Variants in NXPH1 observed in about 807,000 individuals in gnomAD.
NXPH1 encodes the protein neurexophilin 1.
Under a neutral mutation model 23.7 loss-of-function variants are expected in NXPH1, and 5 were observed. That is an observed-to-expected ratio of 0.21 (90% confidence interval 0.11 to 0.44). The LOEUF is 0.44. NXPH1 is among the 20% of genes least tolerant of loss of function. The pLI is 0.99. For missense variants in NXPH1, 324 were observed against 321.6 expected (o/e 1.01, Z -0.06); for synonymous variants, 144 against 122.2 (o/e 1.18, Z -1.18).
At position 8,690,280 on chromosome 7, in the gene NXPH1, A is replaced by G. The variant is rs1017563032; in HGVS notation, c.55-60728A>G. 4 of 152,230 alleles carry G rather than the reference A, an allele frequency of 2.6e-5. No homozygotes were observed. The East Asian group carries it at 5.8e-4, about 22-fold the overall frequency. The allele number at this position is 152,230 out of a possible 1,614,324, so 9.4% of individuals were successfully genotyped here. The stretch of plus-strand genomic sequence containing the variant: ...CTTAGAAACCTCTTTTGAGCACTGA[A>G]GACAGTGGAAGCAGCAGAAAGTCTA... On this transcript the variant is annotated intron_variant, in intron 2 of 2. Transcript: ENST00000405863.
At chr7:8,727,911 C>T (rs1583248938) in intron 2 of NXPH1, among the ~76,000 whole-genome samples, 1 of 151,640 alleles carries the variant, frequency 6.6e-6, no homozygotes, top group South Asian at 2.1e-4. Context: ...GGCATTGAAT[C>T]TGTAAATTAC....
chr7:8,533,068 A>G (rs370783660), intron 2 of NXPH1, among the ~76,000 whole-genome samples: 7 of 152,088 alleles, frequency 4.6e-5, no homozygotes, highest in African/African-American at 1.4e-4. Context: ...TATTATACTT[A>G]TTTTATAGTT....
At chr7:8,456,904 C>T (rs1028232621) in intron 2 of NXPH1, among the ~76,000 whole-genome samples, 1 of 152,096 alleles carries the variant, frequency 6.6e-6, no homozygotes, top group African/African-American at 2.4e-5. Context: ...TCCATTTATA[C>T]CACTGTCCCC....
Position 8,744,652 on chromosome 7 carries a change from A to C in NXPH1, c.55-6356A>C, listed in dbSNP as rs1055639775. On this transcript the variant is annotated intron_variant, in intron 2 of 2. Transcript: ENST00000405863. ...TGTTCCCAGTTTCCTAGTGGATGGCATCACCAGAATGACTTCCCACAGGCG... is the reference window on the plus strand; with the variant it reads ...TGTTCCCAGTTTCCTAGTGGATGGCCTCACCAGAATGACTTCCCACAGGCG... Among the ~76,000 whole-genome samples, 7 of 152,208 alleles carry C rather than the reference A, an allele frequency of 4.6e-5. No individual in the cohort carries two copies. In the East Asian group the frequency reaches 1.3e-3, roughly 29 times the overall value.
intron 2 of NXPH1, among the ~76,000 whole-genome samples, chr7:8,591,288 GAA>G (rs1217526573): frequency 6.6e-6 from 1 of 152,022 alleles, no homozygotes; most frequent in East Asian, 1.9e-4. Context: ...GGCTTATAGA[GAA>G]AGAGCAATTT....
intron 2 of NXPH1, among the ~76,000 whole-genome samples, chr7:8,664,612 T>G (rs992015800): frequency 9.9e-5 from 15 of 152,124 alleles, no homozygotes; most frequent in Non-Finnish European, 2.2e-4. Context: ...CTAGACTGTT[T>G]TCCATAATGC....
intron 2 of NXPH1, among the ~76,000 whole-genome samples, chr7:8,451,001 T>A (rs1295949514): frequency 6.6e-6 from 1 of 152,186 alleles, no homozygotes; most frequent in East Asian, 1.9e-4. Flanking sequence ...CTTTGAACTT[T>A]AAAAAATGCC....
intron 2 of NXPH1, among the ~76,000 whole-genome samples, chr7:8,582,755 T>C (rs1818905573): frequency 6.6e-6 from 1 of 152,192 alleles, no homozygotes; most frequent in Non-Finnish European, 1.5e-5. Flanking sequence ...ATTCTCACTC[T>C]GGGTGCTAAC....
chr7:8,616,338 C>G (rs1028159750), intron 2 of NXPH1, among the ~76,000 whole-genome samples: 3 of 152,170 alleles, frequency 2.0e-5, no homozygotes, highest in East Asian at 3.9e-4. Context: ...CCTGATGACC[C>G]TATAGAAAAT....
intron 2 of NXPH1, among the ~76,000 whole-genome samples, chr7:8,453,185 A>G (rs538999200): frequency 1.3e-5 from 2 of 152,112 alleles, no homozygotes; most frequent in Middle Eastern, 3.2e-3. Flanking sequence ...AGGAAGAAAG[A>G]AATACTTGTA....
chr7:8,526,241 C>G (rs995659330), intron 2 of NXPH1, among the ~76,000 whole-genome samples: 5 of 152,218 alleles, frequency 3.3e-5, no homozygotes, highest in Non-Finnish European at 5.9e-5. Flanking sequence ...TGCATGGGCC[C>G]TGTAATCCCT....
At chr7:8,673,001 A>G (rs1293262728) in intron 2 of NXPH1, among the ~76,000 whole-genome samples, 1 of 152,172 alleles carries the variant, frequency 6.6e-6, no homozygotes, top group East Asian at 1.9e-4. Flanking sequence ...GTCAAGTTAC[A>G]TATCTCCATC....
At chr7:8,593,347 T>A (rs1336398674) in intron 2 of NXPH1, among the ~76,000 whole-genome samples, 1 of 151,894 alleles carries the variant, frequency 6.6e-6, no homozygotes, top group Non-Finnish European at 1.5e-5. Flanking sequence ...ATTTAGCTTT[T>A]TAAAGCAGGG....
chr7:8,443,865 C>G (rs1219649706), intron 2 of NXPH1, among the ~76,000 whole-genome samples: 1 of 152,076 alleles, frequency 6.6e-6, no homozygotes, highest in East Asian at 1.9e-4. Context: ...AAACAAACAA[C>G]GACGAACAAC....
intron 2 of NXPH1, among the ~76,000 whole-genome samples, chr7:8,550,025 A>G (rs1004059566): frequency 6.6e-6 from 1 of 151,606 alleles, no homozygotes; most frequent in Non-Finnish European, 1.5e-5. Flanking sequence ...TTTGTTTCTC[A>G]GTTAGAAAGA....
intron 2 of NXPH1, among the ~76,000 whole-genome samples, chr7:8,606,306 TCTC>T (rs1819489631): frequency 6.6e-6 from 1 of 152,234 alleles, no homozygotes; most frequent in East Asian, 1.9e-4. Flanking sequence ...GGAAAACTCT[TCTC>T]CTTTTCCCCA....
rs568602688 is a variant in NXPH1 at position 8,633,714 on chromosome 7, A to T, written c.55-117294A>T. Among the ~76,000 whole-genome samples, 5 of 152,348 alleles carry T rather than the reference A, an allele frequency of 3.3e-5. No individual in the cohort carries two copies. The South Asian group carries it at 1.0e-3, about 32-fold the overall frequency. ...CCTGAAAAAAGAATTCGTAATTTTT[A>T]TACAGCCCATGGTTCATCAAGCTGA... On this transcript the variant is annotated intron_variant, in intron 2 of 2. Coordinates refer to ENST00000405863, the MANE Select transcript of NXPH1 (RefSeq NM_152745.3).
intron 2 of NXPH1, among the ~76,000 whole-genome samples, chr7:8,476,442 G>A (rs1670997652): frequency 6.6e-6 from 1 of 151,528 alleles, no homozygotes; most frequent in African/African-American, 2.4e-5. Context: ...TACCCTATCT[G>A]AGTTTAGACG....
intron 2 of NXPH1, among the ~76,000 whole-genome samples, chr7:8,720,697 T>A (rs149055383): frequency 1.3e-5 from 2 of 152,354 alleles, no homozygotes; most frequent in African/African-American, 4.8e-5. Context: ...TTAAACAGGC[T>A]AAATGACTTA....
Sources: allele counts gnomAD v4.1 joint callset (sites outside exome capture counted in the v4.1 genomes callset), GRCh38; gene constraint gnomAD v4.1.1; transcripts MANE v1.5; gene names NCBI Gene and HGNC (gene_info 2026-07-23, HGNC 2026-07-21).